MYOZ2: variants seen among roughly 807,000 people sequenced by gnomAD.
The protein encoded by MYOZ2 is myozenin-2.
A neutral mutation model predicts 25.4 loss-of-function variants in MYOZ2; 19 were observed. The ratio of observed to expected loss-of-function variants is 0.75; its 90% CI spans 0.52 to 1.10. MYOZ2 has a LOEUF of 1.10. Among genes scored for constraint, MYOZ2 ranks in the 50% least tolerant of loss-of-function variants. The pLI is 0.00. For synonymous variants in MYOZ2, 92 were observed against 106.9 expected (o/e 0.86, Z 0.86); for missense variants, 270 against 317.9 (o/e 0.85, Z 1.15).
intron 5 of MYOZ2, among the ~76,000 whole-genome samples, chr4:119,165,939 G>A (rs1741815536): frequency 6.6e-6 from 1 of 152,118 alleles, no homozygotes; most frequent in Non-Finnish European, 1.5e-5. Context: ...ATAAATACCA[G>A]GTGAGTACTA....
intron 5 of MYOZ2, among the ~76,000 whole-genome samples, chr4:119,178,767 C>T (rs150556392): frequency 2.8e-3 from 433 of 152,216 alleles, no homozygotes; most frequent in Non-Finnish European, 4.3e-3. Flanking sequence ...CCACCTCACC[C>T]GGCTAATTTT....
chr4:119,173,389 C>T (rs1741984500), intron 5 of MYOZ2, among the ~76,000 whole-genome samples: 1 of 152,180 alleles, frequency 6.6e-6, no homozygotes, highest in Non-Finnish European at 1.5e-5. Flanking sequence ...GCTTCACTAA[C>T]TTTGACTTAA....
At chr4:119,184,672 ACT>A (rs1216694321) in intron 5 of MYOZ2, among the ~76,000 whole-genome samples, 2 of 152,084 alleles carry the variant, frequency 1.3e-5, no homozygotes, top group Non-Finnish European at 2.9e-5. Context: ...CACACTTGAA[ACT>A]CTGTCTGGCA....
intron 5 of MYOZ2, among the ~76,000 whole-genome samples, chr4:119,173,640 C>T (rs758144289): frequency 1.1e-4 from 16 of 152,340 alleles, no homozygotes; most frequent in East Asian, 7.7e-4. Flanking sequence ...AGCCCTCGCT[C>T]GCTCTCGGCA....
chr4:119,173,022 T>A (rs768159935), intron 5 of MYOZ2, among the ~76,000 whole-genome samples: 40 of 152,368 alleles, frequency 2.6e-4, no homozygotes, highest in Non-Finnish European at 5.0e-4. Flanking sequence ...ATTAAGTACC[T>A]TTAAATATAG....
chr4:119,174,823 G>C (rs182650733), intron 5 of MYOZ2, among the ~76,000 whole-genome samples: 7 of 152,032 alleles, frequency 4.6e-5, no homozygotes, highest in Admixed American at 3.9e-4. Flanking sequence ...CACTTTTTGG[G>C]TCCACGCTGC....
At chr4:119,149,794 A>C (rs572634291) in intron 2 of MYOZ2, among the ~76,000 whole-genome samples, 83 of 152,186 alleles carry the variant, frequency 5.5e-4, no homozygotes, top group Non-Finnish European at 1.0e-3. Flanking sequence ...TGACTTTTAT[A>C]ATTAGTGGAC....
chr4:119,141,311 T>G lies in MYOZ2; in HGVS notation c.76+4710T>G, dbSNP rs1741153655. On this transcript the variant is annotated intron_variant, in intron 2 of 5. Transcript: ENST00000307128. ...TTTGCAAACTATGGATTAGATTAACTCATCTAACTGAAGTTCTCAGTATAA... is the reference window on the plus strand; with the variant it reads ...TTTGCAAACTATGGATTAGATTAACGCATCTAACTGAAGTTCTCAGTATAA... 2.0e-5 allele frequency among the ~76,000 whole-genome samples: 3 copies of G among 152,224 alleles called. No individual in the cohort carries two copies. In the South Asian group the frequency reaches 6.2e-4, roughly 31 times the overall value.
At chr4:119,162,491 C>T (rs1480431359) in intron 4 of MYOZ2, among the ~76,000 whole-genome samples, 1 of 152,126 alleles carries the variant, frequency 6.6e-6, no homozygotes, top group Admixed American at 6.5e-5. Flanking sequence ...CAAGAGACAC[C>T]TGGACCTGAC....
chr4:119,181,319 A>G (rs1396722101), intron 5 of MYOZ2, among the ~76,000 whole-genome samples: 3 of 151,914 alleles, frequency 2.0e-5, no homozygotes, highest in South Asian at 2.1e-4. Flanking sequence ...GTTGTTTTCC[A>G]TATCTTTGGT....
At position 119,150,918 on chromosome 4, in the gene MYOZ2, C is replaced by T. The variant is rs753422262; in HGVS notation, c.123C>T (p.Asp41=). Residue 41 remains aspartate (D), a synonymous_variant, in exon 3 of 6, where the codon GAC becomes GAT. Coordinates refer to ENST00000307128, the MANE Select transcript of MYOZ2 (RefSeq NM_016599.5). ...DLGKKVSIPR[D]IMLEELSHLS... is the part of the protein sequence containing the mutation. ...GCAAAAAGGTCAGCATCCCCAGAGA[C>T]ATCATGTTGGAAGAATTATCCCATC... The T allele has an allele frequency of 6.2e-6, 10 of 1,613,902 alleles. No individual in the cohort carries two copies. In the East Asian group the frequency reaches 6.7e-5, roughly 11 times the overall value.
chr4:119,164,261 G>T lies in MYOZ2; in HGVS notation c.427G>T (p.Ala143Ser). 1.2e-6 allele frequency: 2 copies of T among 1,613,998 alleles called. No homozygotes were observed. The highest frequency in any genetic ancestry group is 1.7e-6 in the Non-Finnish European group (2 of 1,179,922). ...TCCTCCTGAAAAATTCAACACCACA[G>T]CTGTCCCTAAGTACTATCAATCTCC... ...EIPPEKFNTT[A>S]VPKYYQSPWE... The change falls in exon 5 of 6, where the codon GCT becomes TCT. Residue 143 changes from alanine to serine, a missense_variant. Transcript: ENST00000307128.
chr4:119,168,482 A>C (rs889634189), intron 5 of MYOZ2, among the ~76,000 whole-genome samples: 2 of 152,234 alleles, frequency 1.3e-5, no homozygotes, highest in Non-Finnish European at 2.9e-5. Flanking sequence ...ATTATTTGTG[A>C]TTCATGGAAG....
chr4:119,166,189 T>A (rs1741820177), intron 5 of MYOZ2, among the ~76,000 whole-genome samples: 1 of 152,184 alleles, frequency 6.6e-6, no homozygotes, highest in African/African-American at 2.4e-5. Flanking sequence ...CTTCTTATTA[T>A]TAAATAACAT....
chr4:119,145,310 T>C (rs2149219691), intron 2 of MYOZ2, among the ~76,000 whole-genome samples: 1 of 151,124 alleles, frequency 6.6e-6, no homozygotes, highest in African/African-American at 2.4e-5. Context: ...GGGATATTGT[T>C]TTGTAATTTT....
chr4:119,145,162 A>G (rs1335369427), intron 2 of MYOZ2, among the ~76,000 whole-genome samples: 12 of 152,096 alleles, frequency 7.9e-5, no homozygotes, highest in Admixed American at 7.9e-4. Context: ...ACATTGATTG[A>G]TCTTTGAATA....
chr4:119,160,886 T>C (rs1344582625), intron 4 of MYOZ2, among the ~76,000 whole-genome samples: 1 of 151,454 alleles, frequency 6.6e-6, no homozygotes, highest in African/African-American at 2.4e-5. Flanking sequence ...ATATCCTCCT[T>C]CTAGCTATCT....
chr4:119,169,193 A>T lies in MYOZ2; in HGVS notation c.560+4799A>T, dbSNP rs1741896758. ...AAAGTATGTACTTTGTTTTTCAGACATATTGTTCTTAAGGACACAATGCTA... is the reference window on the plus strand; with the variant it reads ...AAAGTATGTACTTTGTTTTTCAGACTTATTGTTCTTAAGGACACAATGCTA... On this transcript the variant is annotated intron_variant, in intron 5 of 5. Transcript: ENST00000307128. 2.6e-5 allele frequency among the ~76,000 whole-genome samples: 4 copies of T among 152,224 alleles called. No homozygotes were observed. The South Asian group carries it at 8.3e-4, about 32-fold the overall frequency.
chr4:119,152,535 C>G (rs992914867), intron 3 of MYOZ2, among the ~76,000 whole-genome samples: 2 of 151,936 alleles, frequency 1.3e-5, no homozygotes, highest in Non-Finnish European at 2.9e-5. Context: ...TTAAAATGTC[C>G]CTATGAACAC....
Sources: gnomAD v4.1 joint callset for allele counts (sites outside exome capture counted in the v4.1 genomes callset) on GRCh38, gnomAD v4.1.1 for gene constraint, MANE v1.5 for transcripts, NCBI Gene and HGNC (gene_info 2026-07-23, HGNC 2026-07-21) for gene names.